The following ROBO1 variants were observed in gnomAD, a reference collection of about 807,000 sequenced individuals.
ROBO1 encodes roundabout guidance receptor 1, also known as roundabout homolog 1.
Under a neutral mutation model 195.9 loss-of-function variants are expected in ROBO1, and 149 were observed. That is an observed-to-expected ratio of 0.76 (90% CI 0.67 to 0.87). The LOEUF (loss-of-function observed/expected upper bound fraction) is 0.87, where lower values mean the gene tolerates loss of function less well. Among genes scored for constraint, ROBO1 ranks in the 40% least tolerant of loss-of-function variants. The pLI is 0.00. For missense variants in ROBO1, 1,933 were observed against 2,068.3 expected (o/e 0.93, Z 1.27); for synonymous variants, 816 against 733.2 (o/e 1.11, Z -1.82).
At chr3:78,718,013 T>G in intron 5 of ROBO1, 130 bp from the exon 6 acceptor site, 1 of 837,020 alleles carries the variant, frequency 1.2e-6, no homozygotes, top group South Asian at 1.9e-5. Flanking sequence ...ACAGCTGATA[T>G]GTAGTATTTG....
At chr3:79,373,034 G>C (rs1324803683) in intron 2 of ROBO1, among the ~76,000 whole-genome samples, 1 of 151,952 alleles carries the variant, frequency 6.6e-6, no homozygotes, top group Non-Finnish European at 1.5e-5. Context: ...ACACATTTCT[G>C]TTTACTGATG....
chr3:79,463,526 G>A (rs1254309382), intron 2 of ROBO1, among the ~76,000 whole-genome samples: 1 of 152,078 alleles, frequency 6.6e-6, no homozygotes, highest in Non-Finnish European at 1.5e-5. Flanking sequence ...GAAGGAAGTT[G>A]TTTTTAAAAT....
intron 2 of ROBO1, among the ~76,000 whole-genome samples, chr3:79,177,790 G>T (rs1365855190): frequency 6.6e-6 from 1 of 152,124 alleles, no homozygotes; most frequent in African/African-American, 2.4e-5. Context: ...GGTCCTCCCT[G>T]AATTACCTTT....
intron 1 of ROBO1, among the ~76,000 whole-genome samples, chr3:79,664,586 T>C (rs1946422478): frequency 6.6e-6 from 1 of 152,062 alleles, no homozygotes; most frequent in Non-Finnish European, 1.5e-5. Flanking sequence ...CAAGGTAGCA[T>C]TTCTTCTCCA....
At chr3:79,696,907 G>A (rs999872931) in intron 1 of ROBO1, among the ~76,000 whole-genome samples, 1 of 151,310 alleles carries the variant, frequency 6.6e-6, no homozygotes, top group African/African-American at 2.4e-5. Flanking sequence ...TTTCAAAAAT[G>A]TTGTTTCTGG....
At chr3:79,232,258 A>ATAT (rs200529854) in intron 2 of ROBO1, among the ~76,000 whole-genome samples, 2,862 of 148,522 alleles carry the variant, frequency 0.019, 80 homozygotes, top group African/African-American at 0.063. Flanking sequence ...AAAAAAAAAA[A>ATAT]AAATATATAT....
chr3:78,913,024 A>AT (rs1207574534), intron 4 of ROBO1, among the ~76,000 whole-genome samples: 1 of 152,120 alleles, frequency 6.6e-6, no homozygotes, highest in Non-Finnish European at 1.5e-5. Context: ...TTTTGATATG[A>AT]TTTTTTGTTA....
At chr3:79,386,800 C>T (rs2036765147) in intron 2 of ROBO1, among the ~76,000 whole-genome samples, 1 of 152,038 alleles carries the variant, frequency 6.6e-6, no homozygotes, top group African/African-American at 2.4e-5. Context: ...GGCTTTATTC[C>T]TCAGTGCAGT....
intron 2 of ROBO1, among the ~76,000 whole-genome samples, chr3:79,482,955 G>A (rs890521700): frequency 1.3e-5 from 2 of 152,086 alleles, no homozygotes; most frequent in Non-Finnish European, 2.9e-5. Flanking sequence ...CTGGAGATCT[G>A]CAACATGGCC....
In ROBO1 at chr3:79,557,760, A is replaced by ATTTTTTTT. The variant is rs1167224169; in HGVS notation, c.88+32063_88+32064insAAAAAAAA. ...CAAAAAAAAATATATATATATATAT[A>ATTTTTTTT]TATATTTTATTGCAATTATTGCAAT... On this transcript the variant is annotated intron_variant, in intron 2 of 30. Coordinates refer to ENST00000464233, the MANE Select transcript of ROBO1 (RefSeq NM_002941.4). 9.5e-4 allele frequency among the ~76,000 whole-genome samples: 138 copies of ATTTTTTTT among 145,086 alleles called. 2 individuals are homozygous for ATTTTTTTT. The highest frequency in any genetic ancestry group is 2.8e-3 in the African/African-American group (107 of 38,438).
At chr3:79,690,477 C>G (rs902404563) in intron 1 of ROBO1, among the ~76,000 whole-genome samples, 1 of 151,862 alleles carries the variant, frequency 6.6e-6, no homozygotes, top group Non-Finnish European at 1.5e-5. Flanking sequence ...AAATCCAAAC[C>G]AGATTCTCCC....
chr3:79,045,993 C>T (rs2078583830), intron 3 of ROBO1, among the ~76,000 whole-genome samples: 1 of 152,148 alleles, frequency 6.6e-6, no homozygotes, highest in Non-Finnish European at 1.5e-5. Flanking sequence ...GGTAGGTAGT[C>T]TCTAAGTTGG....
intron 2 of ROBO1, among the ~76,000 whole-genome samples, chr3:79,519,552 C>G (rs773432587): frequency 2.1e-4 from 29 of 135,584 alleles, no homozygotes; most frequent in Admixed American, 3.4e-4. Flanking sequence ...TGGCGTGAAC[C>G]TGGGAGACAG....
chr3:78,723,353 A>G (rs1037916812), intron 5 of ROBO1, among the ~76,000 whole-genome samples: 2 of 152,186 alleles, frequency 1.3e-5, no homozygotes, highest in African/African-American at 2.4e-5. Flanking sequence ...GTAGGTTTGT[A>G]TAAGTAAACT....
chr3:79,503,841 C>T (rs375999522), intron 2 of ROBO1, among the ~76,000 whole-genome samples: 3 of 152,224 alleles, frequency 2.0e-5, no homozygotes, highest in East Asian at 3.9e-4. Context: ...GCAATCCGTT[C>T]AACAAAGACT....
At chr3:79,289,830 G>A (rs2032129970) in intron 2 of ROBO1, among the ~76,000 whole-genome samples, 1 of 151,992 alleles carries the variant, frequency 6.6e-6, no homozygotes, top group Non-Finnish European at 1.5e-5. Flanking sequence ...TTACCAAAGG[G>A]CATTGTAATA....
intron 2 of ROBO1, among the ~76,000 whole-genome samples, chr3:79,166,570 T>A (rs893179415): frequency 7.0e-6 from 1 of 143,520 alleles, no homozygotes; most frequent in Admixed American, 6.8e-5. Flanking sequence ...CTTTTTTTTT[T>A]TTTTTTTATT....
intron 2 of ROBO1, among the ~76,000 whole-genome samples, chr3:79,174,806 A>C (rs1415115101): frequency 6.6e-6 from 1 of 150,984 alleles, no homozygotes; most frequent in Non-Finnish European, 1.5e-5. Flanking sequence ...CAGTGAATGG[A>C]GATTGCGCCA....
At chr3:79,262,658 T>C (rs994199083) in intron 2 of ROBO1, among the ~76,000 whole-genome samples, 1 of 152,070 alleles carries the variant, frequency 6.6e-6, no homozygotes, top group African/African-American at 2.4e-5. Context: ...GTACTAAAAG[T>C]ACAAAGAGAA....
Sources: allele counts gnomAD v4.1 joint callset (sites outside exome capture counted in the v4.1 genomes callset), GRCh38; gene constraint gnomAD v4.1.1; transcripts MANE v1.5; gene names NCBI Gene and HGNC (gene_info 2026-07-23, HGNC 2026-07-21).